The following YWHAG variants were observed in gnomAD, a reference collection of about 807,000 sequenced individuals.
YWHAG encodes tyrosine 3-monooxygenase/tryptophan 5-monooxygenase activation protein gamma, also known as 14-3-3 protein gamma.
Under a neutral mutation model 23.3 loss-of-function variants are expected in YWHAG, and 1 was observed. The observed-to-expected ratio is 0.04, with a 90% CI of 0.02 to 0.20. YWHAG has a LOEUF of 0.20. Among genes scored for constraint, YWHAG ranks in the 10% least tolerant of loss-of-function variants. The pLI is 1.00. For synonymous variants in YWHAG, 160 were observed against 144.0 expected (o/e 1.11, Z -0.80); for missense variants, 151 against 338.6 (o/e 0.45, Z 4.35).
At chr7:76,334,590 T>A (rs1354003254) in intron 1 of YWHAG, among the ~76,000 whole-genome samples, 3 of 151,810 alleles carry the variant, frequency 2.0e-5, no homozygotes, top group African/African-American at 7.3e-5. Flanking sequence ...AATTTTTGTA[T>A]TTTTTGTAGG....
At chr7:76,332,502 T>C (rs1353813212) in intron 1 of YWHAG, among the ~76,000 whole-genome samples, 1 of 152,174 alleles carries the variant, frequency 6.6e-6, no homozygotes, top group Non-Finnish European at 1.5e-5. Flanking sequence ...TATACAGGTA[T>C]ATCAGACAAA....
At chr7:76,331,589 T>TA (rs928929037) in intron 1 of YWHAG, among the ~76,000 whole-genome samples, 5 of 152,012 alleles carry the variant, frequency 3.3e-5, no homozygotes, top group Non-Finnish European at 7.4e-5. Flanking sequence ...TTGTTAGTGT[T>TA]AGTGTATTTT....
chr7:76,340,020 C>A (rs1349715320), intron 1 of YWHAG, among the ~76,000 whole-genome samples: 1 of 152,056 alleles, frequency 6.6e-6, no homozygotes, highest in African/African-American at 2.4e-5. Flanking sequence ...ACCTGGGAGG[C>A]GGACATTGCA....
intron 1 of YWHAG, among the ~76,000 whole-genome samples, chr7:76,356,916 G>A (rs149319836): frequency 6.6e-6 from 1 of 152,288 alleles, no homozygotes; most frequent in East Asian, 1.9e-4. Flanking sequence ...TTGGATAAAT[G>A]CCATTTGCAC....
In YWHAG at chr7:76,332,777, G is replaced by A. The variant is rs974430966; in HGVS notation, c.88-2544C>T. Among the ~76,000 whole-genome samples the A allele has an allele frequency of 6.6e-5, 10 of 151,352 alleles. 1 individual carries two copies. Among genetic ancestry groups the A allele is most frequent in the African/African-American group, 1.5e-4 (6 of 41,124 alleles). Reference sequence around the variant, plus strand: ...GCTGGAGTGCAATGGCATGATGTCGGCTCACTGCAACCTCCCCCCAAGTTC... The same window carrying A: ...GCTGGAGTGCAATGGCATGATGTCGACTCACTGCAACCTCCCCCCAAGTTC... On this transcript the variant is annotated intron_variant, in intron 1 of 1. Transcript: ENST00000307630.
rs1213979620 is a variant in YWHAG, at chr7:76,327,681, TC to T, written c.*1895del. On this transcript the variant is annotated 3_prime_UTR_variant, in exon 2 of 2. Coordinates refer to ENST00000307630, the MANE Select transcript of YWHAG (RefSeq NM_012479.4). ...CCCACCTACCCTGCCCCCCCCCCCCTCCCCCCCCAAATCGTCTTCCTCCCAT... is the reference window on the plus strand; with the variant it reads ...CCCACCTACCCTGCCCCCCCCCCCCTCCCCCCCAAATCGTCTTCCTCCCAT... 5 of 30,800 alleles carry T rather than the reference TC, an allele frequency of 1.6e-4. No individual in the cohort carries two copies. The East Asian group carries it at 2.8e-3, about 17-fold the overall frequency. The allele number at this position is 30,800 out of a possible 1,614,324, so 1.9% of individuals were successfully genotyped here.
intron 1 of YWHAG, among the ~76,000 whole-genome samples, chr7:76,346,325 T>C (rs17149155): frequency 0.027 from 4,126 of 152,322 alleles, 198 homozygotes; most frequent in African/African-American, 0.093. Flanking sequence ...CTACATTTTT[T>C]TCTGGGTGAC....
chr7:76,349,448 C>CAG (rs1274896704), intron 1 of YWHAG, among the ~76,000 whole-genome samples: 2 of 146,264 alleles, frequency 1.4e-5, no homozygotes, highest in Non-Finnish European at 3.0e-5. Flanking sequence ...CACACAGACA[C>CAG]ACACACACAC....
In YWHAG at chr7:76,358,763, G is replaced by C; in HGVS notation, c.46C>G (p.Gln16Glu). The stretch of plus-strand genomic sequence containing the variant: ...GCCATGTCGTCGTAGCGCTCCGCCT[G>C]CTCGGCCAGCCGGGCTTTCTGCACC... ...QLVQKARLAE[Q>E]AERYDDMAAA... The change falls in exon 1 of 2, where the codon CAG becomes GAG. Residue 16 changes from glutamine to glutamate, a missense_variant. Coordinates refer to ENST00000307630, the MANE Select transcript of YWHAG (RefSeq NM_012479.4). The C allele has an allele frequency of 6.3e-7, 1 of 1,595,042 alleles. No homozygotes were observed. Among genetic ancestry groups the C allele is most frequent in the Non-Finnish European group, 8.5e-7 (1 of 1,172,242 alleles).
At chr7:76,349,510 G>C (rs995518904) in intron 1 of YWHAG, among the ~76,000 whole-genome samples, 1 of 151,212 alleles carries the variant, frequency 6.6e-6, no homozygotes, top group African/African-American at 2.4e-5. Context: ...AATGCAACAG[G>C]GTACCAAAAA....
At chr7:76,345,437 C>T (rs944808574) in intron 1 of YWHAG, among the ~76,000 whole-genome samples, 2 of 151,890 alleles carry the variant, frequency 1.3e-5, no homozygotes, top group African/African-American at 4.8e-5. Context: ...CCACCCGCCT[C>T]GGCCTCCCAA....
intron 1 of YWHAG, among the ~76,000 whole-genome samples, chr7:76,346,179 G>T (rs927852126): frequency 6.6e-6 from 1 of 152,110 alleles, no homozygotes; most frequent in African/African-American, 2.4e-5. Context: ...ACTCACAGAG[G>T]CATCTAACCC....
At chr7:76,347,935 A>G (rs1459037530) in intron 1 of YWHAG, among the ~76,000 whole-genome samples, 1 of 152,226 alleles carries the variant, frequency 6.6e-6, no homozygotes, top group Non-Finnish European at 1.5e-5. Flanking sequence ...GTTAAATGAC[A>G]TTCAAAAAAC....
Position 76,326,859 on chromosome 7 carries a change from T to G in YWHAG, c.*2718A>C, listed in dbSNP as rs1223266089. ...GCTACATAATGACTCACATTCATGA[T>G]ATTCCATCACTGAGGAAACTGCTAA... On this transcript the variant is annotated 3_prime_UTR_variant, in exon 2 of 2. Coordinates refer to ENST00000307630, the MANE Select transcript of YWHAG (RefSeq NM_012479.4). 2 of 152,666 alleles carry G rather than the reference T, an allele frequency of 1.3e-5. No individual in the cohort carries two copies. The highest frequency in any genetic ancestry group is 4.8e-5 in the African/African-American group (2 of 41,458). The allele number at this position is 152,666 out of a possible 1,614,324, so 9.5% of individuals were successfully genotyped here. A position where few individuals can be genotyped will look rare whatever the true frequency, so the allele number is the denominator to read the frequency against.
chr7:76,338,831 T>TC (rs1201295592), intron 1 of YWHAG, among the ~76,000 whole-genome samples: 1 of 152,204 alleles, frequency 6.6e-6, no homozygotes, highest in Admixed American at 6.5e-5. Context: ...CAGGCACGTA[T>TC]CCACTGGTCA....
At chr7:76,331,350 C>T (rs985232615) in intron 1 of YWHAG, among the ~76,000 whole-genome samples, 4 of 151,978 alleles carry the variant, frequency 2.6e-5, no homozygotes, top group African/African-American at 7.3e-5. Flanking sequence ...CCCATTGTTC[C>T]GTGTTGATCA....
At chr7:76,338,968 G>A (rs1217798569) in intron 1 of YWHAG, among the ~76,000 whole-genome samples, 5 of 152,278 alleles carry the variant, frequency 3.3e-5, no homozygotes, top group South Asian at 2.1e-4. Flanking sequence ...ATTTTGTACC[G>A]ATGACTAGTA....
At chr7:76,343,513 G>C (rs769838202) in intron 1 of YWHAG, among the ~76,000 whole-genome samples, 1 of 152,164 alleles carries the variant, frequency 6.6e-6, no homozygotes, top group Admixed American at 6.5e-5. Flanking sequence ...AGTCACTTCT[G>C]AAAGTGTGCT....
At chr7:76,333,451 T>C (rs1264026393) in intron 1 of YWHAG, among the ~76,000 whole-genome samples, 2 of 152,204 alleles carry the variant, frequency 1.3e-5, no homozygotes, top group East Asian at 3.8e-4. Context: ...GGAACTACTT[T>C]TAAGAATACC....
Sources: gnomAD v4.1 joint callset for allele counts (sites outside exome capture counted in the v4.1 genomes callset) on GRCh38, gnomAD v4.1.1 for gene constraint, MANE v1.5 for transcripts, NCBI Gene and HGNC (gene_info 2026-07-23, HGNC 2026-07-21) for gene names.